The following NPNT variants were observed in gnomAD, a reference collection of about 807,000 sequenced individuals.
The protein encoded by NPNT is nephronectin.
In NPNT, 45 loss-of-function variants were observed where a neutral mutation model predicts 68.6. The observed-to-expected ratio is 0.66, with a 90% CI of 0.52 to 0.84. The LOEUF (loss-of-function observed/expected upper bound fraction) is 0.84. Among genes scored for constraint, NPNT ranks in the 40% least tolerant of loss-of-function variants. The pLI, the probability that NPNT is intolerant of heterozygous loss-of-function variation, is 0.00. For missense variants in NPNT, 672 were observed against 714.8 expected (o/e 0.94, Z 0.68); for synonymous variants, 233 against 253.3 (o/e 0.92, Z 0.76).
chr4:105,944,654 C>T (rs1028900442), intron 8 of NPNT, among the ~76,000 whole-genome samples: 1 of 152,200 alleles, frequency 6.6e-6, no homozygotes, highest in African/African-American at 2.4e-5. Flanking sequence ...TAAAGACATG[C>T]TCTGGGAAAG....
At chr4:105,927,463 A>G in intron 3 of NPNT, 35 bp downstream of exon 3, 1 of 1,274,284 alleles carries the variant, frequency 7.8e-7, no homozygotes, top group Non-Finnish European at 1.1e-6. Context: ...ACACAATCGA[A>G]GACACCTCTA....
chr4:105,947,193 T>C (rs1730456950), intron 8 of NPNT, among the ~76,000 whole-genome samples: 1 of 152,308 alleles, frequency 6.6e-6, no homozygotes, highest in Middle Eastern at 3.4e-3. Context: ...GACCTTATGG[T>C]TGTCTTCCCT....
chr4:105,931,189 AATC>A (rs2149359846), intron 3 of NPNT, among the ~76,000 whole-genome samples: 1 of 152,292 alleles, frequency 6.6e-6, no homozygotes, highest in African/African-American at 2.4e-5. Context: ...TATAGATAAT[AATC>A]TTTTTATAAC....
chr4:105,911,209 A>T (rs1028066655), intron 2 of NPNT, among the ~76,000 whole-genome samples: 31 of 152,052 alleles, frequency 2.0e-4, no homozygotes, highest in African/African-American at 7.0e-4. Flanking sequence ...AACCTGACCA[A>T]TATGAAAAAA....
chr4:105,958,062 C>T (rs1731378817), intron 8 of NPNT, among the ~76,000 whole-genome samples: 1 of 152,162 alleles, frequency 6.6e-6, no homozygotes, highest in African/African-American at 2.4e-5. Flanking sequence ...CCAAACCATT[C>T]GCTTCCATCA....
chr4:105,946,438 A>G (rs1321091226), intron 8 of NPNT, among the ~76,000 whole-genome samples: 3 of 152,178 alleles, frequency 2.0e-5, no homozygotes, highest in Admixed American at 6.6e-5. Context: ...CTAATAACTC[A>G]TCTATCAGGG....
At chr4:105,940,743 T>C in intron 7 of NPNT, 107 bp downstream of exon 7, 1 of 1,004,280 alleles carries the variant, frequency 1.0e-6, no homozygotes, top group Non-Finnish European at 1.5e-6. Flanking sequence ...GAAGTATAAT[T>C]GTCATAATTG....
At chr4:105,949,059 C>A (rs1320989461) in intron 8 of NPNT, among the ~76,000 whole-genome samples, 1 of 152,164 alleles carries the variant, frequency 6.6e-6, no homozygotes, top group Admixed American at 6.5e-5. Context: ...ATGAGACAGA[C>A]TTGTGCTTCT....
At chr4:105,937,667 C>T (rs765372974) in intron 4 of NPNT, among the ~76,000 whole-genome samples, 1 of 151,754 alleles carries the variant, frequency 6.6e-6, no homozygotes, top group African/African-American at 2.4e-5. Context: ...GAATATGATA[C>T]CAGAAAAGTA....
chr4:105,907,413 C>G (rs1726990326), intron 2 of NPNT, among the ~76,000 whole-genome samples: 1 of 152,174 alleles, frequency 6.6e-6, no homozygotes, highest in South Asian at 2.1e-4. Flanking sequence ...AGAAGGTCTT[C>G]AAACGCCTTT....
chr4:105,967,293 C>A lies in NPNT; in HGVS notation c.1451C>A (p.Ser484Ter), dbSNP rs201131527. Residue 484 changes from serine to a stop codon, truncating the protein, a stop_gained, in exon 11 of 12, where the codon TCA becomes TAA. Transcript: ENST00000379987. LOFTEE classifies it high-confidence loss of function. The stretch of plus-strand genomic sequence containing the variant: ...ATGCATTCAGGGGACCTGTGCCTGT[C>A]ATTCAGGCACAAGGTGACGGGGCTG... ...RLMHSGDLCL[S>*]FRHKVTGLHS... 56 of 1,613,886 alleles carry A rather than the reference C, an allele frequency of 3.5e-5. No homozygotes were observed. The East Asian group carries it at 1.2e-3, about 35-fold the overall frequency.
At position 105,927,374 on chromosome 4, in the gene NPNT, G is replaced by A. The variant is rs768930607; in HGVS notation, c.211G>A (p.Gly71Arg). The A allele has an allele frequency of 1.9e-5, 31 of 1,612,632 alleles. No homozygotes were observed. The Admixed American group carries it at 2.0e-4, about 10-fold the overall frequency. The change falls in exon 3 of 12, where the codon GGG becomes AGG. Residue 71 changes from glycine (G) to arginine (R), a missense_variant. Coordinates refer to ENST00000379987, the MANE Select transcript of NPNT (RefSeq NM_001033047.3). ...ACGATGCAAACATGGTGAATGTATCGGGCCAAACAAGTGCAAGTGTCATCC... is the reference window on the plus strand; with the variant it reads ...ACGATGCAAACATGGTGAATGTATCAGGCCAAACAAGTGCAAGTGTCATCC... The part of the protein sequence containing the change: ...QPRCKHGECI[G>R]PNKCKCHPGY...
chr4:105,933,196 T>C (rs1437151378), intron 3 of NPNT, among the ~76,000 whole-genome samples: 1 of 152,188 alleles, frequency 6.6e-6, no homozygotes, highest in Non-Finnish European at 1.5e-5. Context: ...GAGCACTTAG[T>C]TGCTATTTGA....
chr4:105,904,232 T>A (rs1726683174), intron 2 of NPNT, among the ~76,000 whole-genome samples: 1 of 152,238 alleles, frequency 6.6e-6, no homozygotes, highest in Admixed American at 6.5e-5. Context: ...ATGTTAAAGA[T>A]GTTGTTTTGC....
intron 8 of NPNT, among the ~76,000 whole-genome samples, chr4:105,945,499 G>A (rs1162099265): frequency 2.0e-5 from 3 of 152,036 alleles, no homozygotes; most frequent in Non-Finnish European, 4.4e-5. Context: ...CCAGGTAATG[G>A]GACCTCTATC....
chr4:105,928,711 A>C (rs1728881229), intron 3 of NPNT, among the ~76,000 whole-genome samples: 1 of 152,050 alleles, frequency 6.6e-6, no homozygotes, highest in African/African-American at 2.4e-5. Context: ...TCAAAAATAA[A>C]AAAGATAAGT....
chr4:105,910,395 AT>A (rs1018109125), intron 2 of NPNT, among the ~76,000 whole-genome samples: 1 of 152,142 alleles, frequency 6.6e-6, no homozygotes, highest in Non-Finnish European at 1.5e-5. Context: ...CCATTTTATG[AT>A]GGCCATAGAG....
chr4:105,931,819 A>C (rs1729134911), intron 3 of NPNT, among the ~76,000 whole-genome samples: 1 of 152,100 alleles, frequency 6.6e-6, no homozygotes, highest in Non-Finnish European at 1.5e-5. Context: ...CAGCCTGGGC[A>C]ACAGAGCAAG....
At chr4:105,926,924 A>G (rs1489519527) in intron 2 of NPNT, 1 of 152,488 alleles carries the variant, frequency 6.6e-6, no homozygotes, top group African/African-American at 2.4e-5. Flanking sequence ...TTAGAAATTT[A>G]TCTGTATTTC....
Sources: allele counts gnomAD v4.1 joint callset (sites outside exome capture counted in the v4.1 genomes callset), GRCh38; gene constraint gnomAD v4.1.1; transcripts MANE v1.5; gene names NCBI Gene and HGNC (gene_info 2026-07-23, HGNC 2026-07-21).